SAMD12: variants seen among roughly 807,000 people sequenced by gnomAD.
SAMD12 encodes the protein sterile alpha motif domain containing 12.
Under a neutral mutation model 15.0 loss-of-function variants are expected in SAMD12, and 9 were observed. The observed-to-expected ratio is 0.60, with a 90% CI of 0.36 to 1.05. The LOEUF (loss-of-function observed/expected upper bound fraction) is 1.05, where lower values mean the gene tolerates loss of function less well. SAMD12 is among the 50% of genes least tolerant of loss of function. The probability of loss-of-function intolerance (pLI) is 0.01; values close to 1 mark genes in which losing one functional copy is unlikely to be tolerated. For missense variants in SAMD12, 230 were observed against 234.2 expected, an observed-to-expected ratio of 0.98 and a Z score of 0.12; for synonymous variants, 86 against 90.1, an observed-to-expected ratio of 0.96 and a Z score of 0.25.
intron 3 of SAMD12, among the ~76,000 whole-genome samples, chr8:118,423,132 CG>C (rs1822077444): frequency 6.6e-6 from 1 of 152,054 alleles, no homozygotes; most frequent in African/African-American, 2.4e-5. Context: ...TGCAGTGAGC[CG>C]TGATGTCACA....
chr8:118,365,831 C>T (rs1818737110), intron 4 of SAMD12, among the ~76,000 whole-genome samples: 1 of 152,086 alleles, frequency 6.6e-6, no homozygotes, highest in African/African-American at 2.4e-5. Context: ...CCTAATCTGG[C>T]TAACTCTTCT....
chr8:118,399,958 T>A (rs1482911899), intron 3 of SAMD12, among the ~76,000 whole-genome samples: 3 of 152,230 alleles, frequency 2.0e-5, no homozygotes, highest in Non-Finnish European at 4.4e-5. Context: ...AATAGTGGCC[T>A]CTGCAATACA....
intron 2 of SAMD12, among the ~76,000 whole-genome samples, chr8:118,458,572 G>T (rs940417089): frequency 1.1e-4 from 16 of 152,158 alleles, no homozygotes; most frequent in African/African-American, 3.9e-4. Context: ...CTCAGAAAAA[G>T]ATTCCAAACT....
chr8:118,235,216 T>C (rs77269172), intron 4 of SAMD12, among the ~76,000 whole-genome samples: 1 of 150,676 alleles, frequency 6.6e-6, no homozygotes, highest in African/African-American at 2.5e-5. Context: ...TTATTATAAG[T>C]CTTTTTTTTT....
At chr8:118,268,849 A>G (rs1813269370) in intron 4 of SAMD12, among the ~76,000 whole-genome samples, 2 of 152,180 alleles carry the variant, frequency 1.3e-5, no homozygotes, top group Non-Finnish European at 1.5e-5. Flanking sequence ...CTGGTATTTT[A>G]TCAATTTTAT....
At chr8:118,469,969 T>C (rs145259850) in intron 2 of SAMD12, among the ~76,000 whole-genome samples, 1,553 of 152,284 alleles carry the variant, frequency 0.01, 30 homozygotes, top group African/African-American at 0.034. Flanking sequence ...AATTATGACA[T>C]GGATACCATA....
Position 118,221,017 on chromosome 8 carries a change from T to TA in SAMD12, c.434-23286dup, listed in dbSNP as rs1025982676. Among the ~76,000 whole-genome samples the TA allele has an allele frequency of 1.9e-4, 28 of 148,862 alleles. No individual in the cohort carries two copies. The South Asian group carries it at 3.2e-3, about 17-fold the overall frequency. On this transcript the variant is annotated intron_variant, in intron 4 of 4. Transcript: ENST00000409003. Reference sequence around the variant, plus strand: ...TCTGGAATTATTTGCGTATGATTTCTAAAAAAAAAATAACTACGGGGAAAA... The same window carrying TA: ...TCTGGAATTATTTGCGTATGATTTCTAAAAAAAAAAATAACTACGGGGAAAA...
At chr8:118,484,387 T>C (rs1396838380) in intron 2 of SAMD12, among the ~76,000 whole-genome samples, 1 of 152,164 alleles carries the variant, frequency 6.6e-6, no homozygotes, top group Non-Finnish European at 1.5e-5. Flanking sequence ...AACACTGCAC[T>C]GTATACTTAA....
chr8:118,550,855 C>CA (rs1393935488), intron 2 of SAMD12, among the ~76,000 whole-genome samples: 3 of 149,532 alleles, frequency 2.0e-5, no homozygotes, highest in Non-Finnish European at 4.5e-5. Context: ...AAATGGAAAA[C>CA]AAAAAAAGGC....
intron 4 of SAMD12, among the ~76,000 whole-genome samples, chr8:118,363,141 A>C (rs1385703206): frequency 2.0e-5 from 3 of 152,212 alleles, no homozygotes; most frequent in African/African-American, 7.2e-5. Context: ...GAAATAAGAA[A>C]TACTTCACAG....
intron 2 of SAMD12, among the ~76,000 whole-genome samples, chr8:118,470,363 T>C (rs1823760824): frequency 6.6e-6 from 1 of 152,120 alleles, no homozygotes; most frequent in South Asian, 2.1e-4. Flanking sequence ...GGTTGTGAAG[T>C]AGAAGGTGGA....
chr8:118,410,494 T>C (rs1821357079), intron 3 of SAMD12, among the ~76,000 whole-genome samples: 1 of 152,220 alleles, frequency 6.6e-6, no homozygotes, highest in African/African-American at 2.4e-5. Context: ...GTTTTAACTA[T>C]TAGACTTTGC....
intron 4 of SAMD12, among the ~76,000 whole-genome samples, chr8:118,334,245 C>T (rs1219581386): frequency 6.6e-6 from 1 of 152,118 alleles, no homozygotes; most frequent in African/African-American, 2.4e-5. Flanking sequence ...CTTTGAGTAC[C>T]TGGCCTGTGT....
chr8:118,357,478 G>A (rs907055160), intron 4 of SAMD12, among the ~76,000 whole-genome samples: 8 of 152,106 alleles, frequency 5.3e-5, no homozygotes, highest in Non-Finnish European at 1.0e-4. Flanking sequence ...TGATTCTCCT[G>A]TCTTGCCCTC....
At chr8:118,458,723 A>G (rs6982369) in intron 2 of SAMD12, among the ~76,000 whole-genome samples, 109,143 of 152,144 alleles carry the variant, frequency 0.72, 39,472 homozygotes, top group African/African-American at 0.8. Context: ...CAAGCAAGGT[A>G]ATGCCAACCT....
chr8:118,237,687 T>C (rs573129493), intron 4 of SAMD12, among the ~76,000 whole-genome samples: 1 of 152,284 alleles, frequency 6.6e-6, no homozygotes, highest in East Asian at 1.9e-4. Flanking sequence ...TCTAATCTTG[T>C]AGGACCTTGA....
intron 2 of SAMD12, among the ~76,000 whole-genome samples, chr8:118,499,525 CTA>C (rs1397067005): frequency 2.0e-5 from 3 of 152,190 alleles, no homozygotes; most frequent in Non-Finnish European, 4.4e-5. Flanking sequence ...CCTCTCCTGC[CTA>C]TCTCAGAGAG....
intron 4 of SAMD12, among the ~76,000 whole-genome samples, chr8:118,335,318 G>T (rs1052301334): frequency 1.3e-5 from 2 of 152,082 alleles, no homozygotes; most frequent in African/African-American, 4.8e-5. Context: ...CTTGTAACTC[G>T]CAGCTTTCCA....
intron 4 of SAMD12, among the ~76,000 whole-genome samples, chr8:118,250,517 T>C (rs1812796634): frequency 6.6e-6 from 1 of 151,670 alleles, no homozygotes; most frequent in African/African-American, 2.4e-5. Flanking sequence ...TTTTTTTTTT[T>C]TTTGAGGCAG....
Sources: allele counts gnomAD v4.1 joint callset (sites outside exome capture counted in the v4.1 genomes callset), GRCh38; gene constraint gnomAD v4.1.1; transcripts MANE v1.5; gene names NCBI Gene and HGNC (gene_info 2026-07-23, HGNC 2026-07-21).